The following ESRRG variants were observed in gnomAD, a reference collection of about 807,000 sequenced individuals.
The protein encoded by ESRRG is estrogen-related receptor gamma.
ESRRG carries 13 observed loss-of-function variants against 44.0 expected under a neutral mutation model. The ratio of observed to expected loss-of-function variants is 0.30; its 90% CI spans 0.19 to 0.47. ESRRG has a LOEUF of 0.47. Among genes scored for constraint, ESRRG ranks in the 20% least tolerant of loss-of-function variants. The pLI, the probability that ESRRG is intolerant of heterozygous loss-of-function variation, is 1.00. For synonymous variants in ESRRG, 215 were observed against 214.6 expected, an observed-to-expected ratio of 1.00 and a Z score of -0.02; for missense variants, 395 against 580.6, an observed-to-expected ratio of 0.68 and a Z score of 3.29.
At chr1:216,559,149 C>G (rs561556769) in intron 5 of ESRRG, among the ~76,000 whole-genome samples, 1 of 152,088 alleles carries the variant, frequency 6.6e-6, no homozygotes, top group African/African-American at 2.4e-5. Context: ...CAATTACTGG[C>G]GTGATCCACC....
intron 2 of ESRRG, among the ~76,000 whole-genome samples, chr1:216,892,062 C>T (rs1408032143): frequency 6.6e-6 from 1 of 152,094 alleles, no homozygotes; most frequent in Non-Finnish European, 1.5e-5. Context: ...GCCTTGGCCT[C>T]CCAAAGTGAT....
chr1:216,574,167 G>C (rs1186411518), intron 3 of ESRRG, among the ~76,000 whole-genome samples: 1 of 152,100 alleles, frequency 6.6e-6, no homozygotes, highest in Non-Finnish European at 1.5e-5. Flanking sequence ...TTCATGTGTA[G>C]ACTGCCATTA....
intron 3 of ESRRG, among the ~76,000 whole-genome samples, chr1:216,597,242 G>A (rs1013078732): frequency 1.3e-5 from 2 of 152,082 alleles, no homozygotes; most frequent in Non-Finnish European, 2.9e-5. Flanking sequence ...TTCTTTCCAG[G>A]GCTCACTGTC....
intron 2 of ESRRG, among the ~76,000 whole-genome samples, chr1:216,779,213 A>ATATATT (rs1367096794): frequency 1.5e-5 from 1 of 66,700 alleles, no homozygotes; most frequent in Non-Finnish European, 2.5e-5. Flanking sequence ...AAATATAAAT[A>ATATATT]TATATTTATA....
At chr1:216,904,453 G>C (rs904181066) in intron 2 of ESRRG, among the ~76,000 whole-genome samples, 2 of 152,154 alleles carry the variant, frequency 1.3e-5, no homozygotes, top group African/African-American at 4.8e-5. Context: ...ATTAAACAAA[G>C]TCATTGAAAA....
intron 3 of ESRRG, among the ~76,000 whole-genome samples, chr1:216,643,112 A>T (rs887002527): frequency 6.6e-6 from 1 of 152,160 alleles, no homozygotes; most frequent in Non-Finnish European, 1.5e-5. Context: ...ATCAAGACTC[A>T]AGCTGTGGTT....
intron 5 of ESRRG, among the ~76,000 whole-genome samples, chr1:216,560,700 G>A (rs915224181): frequency 6.6e-6 from 1 of 152,068 alleles, no homozygotes; most frequent in African/African-American, 2.4e-5. Context: ...CAACCCATTC[G>A]AAAAAAGGCC....
At chr1:216,932,389 T>C (rs893560414) in intron 2 of ESRRG, among the ~76,000 whole-genome samples, 4 of 152,136 alleles carry the variant, frequency 2.6e-5, no homozygotes, top group African/African-American at 9.7e-5. Flanking sequence ...CCAATAAAAT[T>C]GTAAAAGATC....
At chr1:216,535,730 C>T (rs763965027) in intron 5 of ESRRG, among the ~76,000 whole-genome samples, 2 of 151,910 alleles carry the variant, frequency 1.3e-5, no homozygotes, top group Non-Finnish European at 2.9e-5. Context: ...AGTTCCATTC[C>T]TTCATCCCTC....
intron 1 of ESRRG, among the ~76,000 whole-genome samples, chr1:217,011,933 G>T (rs878919605): frequency 3.9e-5 from 6 of 152,112 alleles, no homozygotes; most frequent in Non-Finnish European, 8.8e-5. Context: ...CTTCGTGCTA[G>T]CTTGTACCCC....
At chr1:216,579,325 T>C (rs2062283223) in intron 3 of ESRRG, among the ~76,000 whole-genome samples, 1 of 152,172 alleles carries the variant, frequency 6.6e-6, no homozygotes, top group African/African-American at 2.4e-5. Context: ...AATTGATATA[T>C]CATGTTAAAG....
intron 1 of ESRRG, among the ~76,000 whole-genome samples, chr1:216,981,427 A>G (rs940695659): frequency 6.6e-6 from 1 of 152,080 alleles, no homozygotes; most frequent in African/African-American, 2.4e-5. Context: ...CGGCCTGTAA[A>G]ATGGAGACAA....
chr1:216,533,439 T>G (rs748814511), intron 5 of ESRRG, among the ~76,000 whole-genome samples: 62 of 152,256 alleles, frequency 4.1e-4, no homozygotes, highest in Admixed American at 3.5e-3. Context: ...TTGGTCAGTA[T>G]ACTATAGTAG....
chr1:216,920,546 A>G (rs1202645616), intron 2 of ESRRG, among the ~76,000 whole-genome samples: 1 of 152,172 alleles, frequency 6.6e-6, no homozygotes, highest in Admixed American at 6.6e-5. Flanking sequence ...AGTTCACCAT[A>G]AAAGAAACAA....
At chr1:216,594,917 A>G (rs562904132) in intron 3 of ESRRG, among the ~76,000 whole-genome samples, 44 of 152,340 alleles carry the variant, frequency 2.9e-4, no homozygotes, top group Non-Finnish European at 4.4e-5. Flanking sequence ...GTACCTTGGT[A>G]GGGAAGATAT....
rs1048609320 is a variant in ESRRG, at chr1:216,977,369, CACAT to C, written c.-105-37700_-105-37697del. 1.2e-4 allele frequency among the ~76,000 whole-genome samples: 18 copies of C among 151,392 alleles called. No individual in the cohort carries two copies. In the East Asian group the frequency reaches 1.4e-3, roughly 12 times the overall value. ...ACACACACACACACACACACACACA[CACAT>C]ATACATATAGATAGATGCCTAAGAT... On this transcript the variant is annotated intron_variant, in intron 1 of 7. Transcript: ENST00000359162.
At chr1:217,128,910 G>A (rs928236418) in intron 1 of ESRRG, among the ~76,000 whole-genome samples, 1 of 152,114 alleles carries the variant, frequency 6.6e-6, no homozygotes, top group East Asian at 1.9e-4. Context: ...GCGGAGGTAG[G>A]AGGATCACTT....
chr1:216,675,640 C>T (rs1436233691), intron 2 of ESRRG, among the ~76,000 whole-genome samples: 1 of 152,102 alleles, frequency 6.6e-6, no homozygotes, highest in Non-Finnish European at 1.5e-5. Context: ...GAATTAGCAT[C>T]AGGATTACCC....
chr1:216,779,497 T>TATATATAA lies in ESRRG; in HGVS notation c.-13-102007_-13-102006insTTATATAT, dbSNP rs1553603813. 2.0e-3 allele frequency among the ~76,000 whole-genome samples: 10 copies of TATATATAA among 4,906 alleles called. 1 individual carries two copies. Among genetic ancestry groups the TATATATAA allele is most frequent in the Non-Finnish European group, 2.7e-3 (8 of 3,014 alleles). 3.2% of individuals were successfully genotyped at this position (4,906 alleles called of 152,430 possible). A position where few individuals can be genotyped will look rare whatever the true frequency, so the allele number is the denominator to read the frequency against. The stretch of plus-strand genomic sequence containing the variant: ...ATTTATAAATATAAATATATATTTA[T>TATATATAA]ATATAAATATATATTTATAAATATA... On this transcript the variant is annotated intron_variant, in intron 2 of 7. Transcript: ENST00000359162.
Sources: gnomAD v4.1 joint callset for allele counts (sites outside exome capture counted in the v4.1 genomes callset) on GRCh38, gnomAD v4.1.1 for gene constraint, MANE v1.5 for transcripts, NCBI Gene and HGNC (gene_info 2026-07-23, HGNC 2026-07-21) for gene names.